BICRAL: variants seen among roughly 807,000 people sequenced by gnomAD.
The protein encoded by BICRAL is BRD4-interacting chromatin-remodeling complex-associated protein-like.
A neutral mutation model predicts 91.8 loss-of-function variants in BICRAL; 8 were observed. The ratio of observed to expected loss-of-function variants is 0.09; its 90% CI spans 0.05 to 0.16. The LOEUF is 0.16. BICRAL is among the 10% of genes least tolerant of loss of function. The pLI, the probability that BICRAL is intolerant of heterozygous loss-of-function variation, is 1.00. For missense variants in BICRAL, 1,038 were observed against 1,310.9 expected, an observed-to-expected ratio of 0.79 and a Z score of 3.21; for synonymous variants, 445 against 491.1, an observed-to-expected ratio of 0.91 and a Z score of 1.24.
chr6:42,778,606 T>G (rs140498382), upstream of BICRAL, among the ~76,000 whole-genome samples: 1 of 152,282 alleles, frequency 6.6e-6, no homozygotes, highest in Non-Finnish European at 1.5e-5. Flanking sequence ...TCAGGTTTGT[T>G]AGGTCATTTT....
chr6:42,836,994 G>C (rs1363581539), intron 6 of BICRAL, among the ~76,000 whole-genome samples: 1 of 151,468 alleles, frequency 6.6e-6, no homozygotes, highest in African/African-American at 2.4e-5. Flanking sequence ...GCCCAGGCTG[G>C]AGTGCAATGG....
upstream of BICRAL, among the ~76,000 whole-genome samples, chr6:42,780,041 C>G (rs1009637848): frequency 1.3e-5 from 2 of 152,278 alleles, no homozygotes; most frequent in African/African-American, 4.8e-5. Flanking sequence ...GCTGGAACTA[C>G]AGGCATGTGC....
chr6:42,792,127 GA>G (rs1763291483), intron 1 of BICRAL, among the ~76,000 whole-genome samples: 1 of 152,188 alleles, frequency 6.6e-6, no homozygotes, highest in South Asian at 2.1e-4. Flanking sequence ...GTGAGTCAGT[GA>G]GTGGTGAAAG....
At chr6:42,807,258 A>T (rs1318562457) in intron 1 of BICRAL, among the ~76,000 whole-genome samples, 1 of 151,848 alleles carries the variant, frequency 6.6e-6, no homozygotes, top group Non-Finnish European at 1.5e-5. Context: ...ATCTAGGCTC[A>T]CTGCAAGCTC....
At chr6:42,754,603 T>C (rs1254708313) in intron 1 of BICRAL, among the ~76,000 whole-genome samples, 1 of 152,236 alleles carries the variant, frequency 6.6e-6, no homozygotes, top group Non-Finnish European at 1.5e-5. Context: ...TAAAATGTGC[T>C]GATCAAGGCT....
chr6:42,746,567 A>G (rs1453943291), upstream of BICRAL, among the ~76,000 whole-genome samples: 2 of 151,840 alleles, frequency 1.3e-5, no homozygotes, highest in South Asian at 2.1e-4. Flanking sequence ...GCGGGGGGGA[A>G]TATTGCACCG....
chr6:42,775,245 C>G (rs965478033), intron 1 of BICRAL, among the ~76,000 whole-genome samples: 3 of 152,148 alleles, frequency 2.0e-5, no homozygotes, highest in Non-Finnish European at 4.4e-5. Context: ...AGAGTAGTTC[C>G]TTCTTCAGAT....
At chr6:42,849,559 C>T (rs931999039) in intron 6 of BICRAL, among the ~76,000 whole-genome samples, 3 of 151,800 alleles carry the variant, frequency 2.0e-5, no homozygotes, top group South Asian at 2.1e-4. Context: ...CCTGCCTCAG[C>T]TTCTCAAGTA....
intron 1 of BICRAL, among the ~76,000 whole-genome samples, chr6:42,785,779 G>A (rs1270929868): frequency 6.6e-6 from 1 of 152,070 alleles, no homozygotes; most frequent in Non-Finnish European, 1.5e-5. Context: ...GTCAGGGCCA[G>A]GCACAGTGGC....
intron 7 of BICRAL, chr6:42,852,630 C>A: frequency 4.1e-5 from 11 of 266,868 alleles, no homozygotes; most frequent in African/African-American, 6.9e-5. Flanking sequence ...CCACTGCATT[C>A]CAGTCTGGGT....
intron 1 of BICRAL, among the ~76,000 whole-genome samples, chr6:42,789,987 G>C (rs1214181062): frequency 1.3e-5 from 2 of 151,954 alleles, no homozygotes; most frequent in African/African-American, 4.8e-5. Flanking sequence ...AAGGAAAACA[G>C]TATTCTGTTA....
In BICRAL at chr6:42,830,164, T is replaced by C. The variant is rs770518912; in HGVS notation, c.1831T>C (p.Phe611Leu). ...TPGTGTQQQFFCQAQKKCLNQ... is the reference protein window; with the variant it reads ...TPGTGTQQQFLCQAQKKCLNQ... ...TGGAACAGGAACCCAGCAACAATTC[T>C]TCTGCCAGGTAATGCCCTTTCCCAA... The change falls in exon 6 of 13, where the codon TTC becomes CTC. Residue 611 changes from phenylalanine (F) to leucine (L), a missense_variant. Phe to Leu is a conservative substitution (Grantham distance 22, BLOSUM62 0). Around this residue, in one of 5 missense-constraint regions of BICRAL, gnomAD observed 532 missense variants for 724.9 expected, o/e 0.73. Coordinates refer to ENST00000314073, the MANE Select transcript of BICRAL (RefSeq NM_001393499.1). The C allele has an allele frequency of 1.2e-6, 2 of 1,614,040 alleles. No homozygotes were observed. Among genetic ancestry groups the C allele is most frequent in the Admixed American group, 1.7e-5 (1 of 60,016 alleles).
At chr6:42,758,779 A>G (rs956968422) in intron 1 of BICRAL, among the ~76,000 whole-genome samples, 1 of 151,846 alleles carries the variant, frequency 6.6e-6, no homozygotes, top group African/African-American at 2.4e-5. Context: ...AAGCAGAGTC[A>G]CATATTCATT....
rs1240205313 is a variant in BICRAL, at chr6:42,857,152, C to G, written c.2170C>G (p.Arg724Gly). The G allele has an allele frequency of 5.0e-6, 8 of 1,612,566 alleles. No individual in the cohort carries two copies. The highest frequency in any genetic ancestry group is 5.1e-6 in the Non-Finnish European group (6 of 1,178,756). ...HTVTPDKSHFRSLSDAVQRLL... is the reference protein window; with the variant it reads ...HTVTPDKSHFGSLSDAVQRLL... ...TGTGACACCAGACAAAAGTCACTTC[C>G]GATCACTAAGTGATGCGGTACAGAG... The change falls in exon 10 of 13, where the codon CGA becomes GGA. Residue 724 changes from arginine to glycine, a missense_variant. This residue lies in a region of BICRAL where 294 missense variants were observed against 292.6 expected (regional missense o/e 1.00). Transcript: ENST00000314073.
At chr6:42,837,304 A>G (rs1764669776) in intron 6 of BICRAL, among the ~76,000 whole-genome samples, 1 of 152,190 alleles carries the variant, frequency 6.6e-6, no homozygotes, top group Admixed American at 6.6e-5. Context: ...AAACACAAAA[A>G]TATAATTACC....
chr6:42,779,904 C>T (rs1047752994), upstream of BICRAL, among the ~76,000 whole-genome samples: 5 of 152,076 alleles, frequency 3.3e-5, no homozygotes, highest in African/African-American at 7.2e-5. Flanking sequence ...GCGTGAGCCA[C>T]GGCACCCAGC....
upstream of BICRAL, among the ~76,000 whole-genome samples, chr6:42,778,962 C>T (rs1338482686): frequency 2.0e-5 from 3 of 151,858 alleles, no homozygotes; most frequent in Non-Finnish European, 4.4e-5. Context: ...GGATTACAGG[C>T]GCCTGCCACC....
At chr6:42,766,016 G>T (rs2113837413) in intron 1 of BICRAL, among the ~76,000 whole-genome samples, 1 of 152,096 alleles carries the variant, frequency 6.6e-6, no homozygotes. Flanking sequence ...TATAAGACTG[G>T]CTAATTTTTG....
intron 4 of BICRAL, 29 bp from the exon 5 acceptor site, chr6:42,822,905 TA>T: frequency 6.5e-7 from 1 of 1,537,408 alleles, no homozygotes; most frequent in Non-Finnish European, 9.0e-7. Context: ...GTTAAAGTAG[TA>T]ACCACCTATT....
Sources: gnomAD v4.1 joint callset for allele counts (sites outside exome capture counted in the v4.1 genomes callset) on GRCh38, gnomAD v4.1.1 for gene constraint, gnomAD v4.1.1 regional missense constraint, MANE v1.5 for transcripts, NCBI Gene and HGNC (gene_info 2026-07-23, HGNC 2026-07-21) for gene names.